Variants in PALD1 observed in about 807,000 individuals in gnomAD.
PALD1 encodes the protein phosphatase domain containing paladin 1.
A neutral mutation model predicts 96.0 loss-of-function variants in PALD1; 57 were observed. That is an observed-to-expected ratio of 0.59 (90% CI 0.48 to 0.74). The LOEUF is 0.74. Ranked by LOEUF, PALD1 falls within the 30% of genes least tolerant of loss-of-function variation. The pLI, the probability that PALD1 is intolerant of heterozygous loss-of-function variation, is 0.00. For missense variants in PALD1, 1,063 were observed against 1,143.7 expected (o/e 0.93, Z 1.02); for synonymous variants, 464 against 473.6 (o/e 0.98, Z 0.26).
chr10:70,561,478 C>T (rs962511435), intron 18 of PALD1, among the ~76,000 whole-genome samples: 8 of 152,174 alleles, frequency 5.3e-5, no homozygotes, highest in Admixed American at 2.6e-4. Context: ...TGGCGCAGAC[C>T]GTCCATCCTT....
In PALD1 at chr10:70,532,610, C is replaced by T; in HGVS notation, c.634-11C>T. On this transcript the variant is annotated splice_polypyrimidine_tract_variant and intron_variant, in intron 5 of 19. Transcript: ENST00000263563. Reference sequence around the variant, plus strand: ...AGGCCATGGCCCTCTGACCCCCACACCTCCCTCTAGATCCACGACTTTGCC... The same window carrying T: ...AGGCCATGGCCCTCTGACCCCCACATCTCCCTCTAGATCCACGACTTTGCC... 1 of 1,612,978 alleles carries T rather than the reference C, an allele frequency of 6.2e-7. No individual in the cohort carries two copies. Among genetic ancestry groups the T allele is most frequent in the Non-Finnish European group, 8.5e-7 (1 of 1,179,376 alleles).
Position 70,538,427 on chromosome 10 carries a change from C to T in PALD1, c.1452+19C>T, listed in dbSNP as rs759307538. On this transcript the variant is annotated intron_variant, in intron 12 of 19. Transcript: ENST00000263563. ...CTCCCTAGTGAGTATGACTGGCAGT[C>T]GGAGAAGTGGGCATGGCTGTGTACT... 4.4e-6 allele frequency: 7 copies of T among 1,607,786 alleles called. No homozygotes were observed. Among genetic ancestry groups the T allele is most frequent in the South Asian group, 3.3e-5 (3 of 90,470 alleles).
chr10:70,507,351 G>T (rs1027460641), intron 1 of PALD1, among the ~76,000 whole-genome samples: 1 of 152,192 alleles, frequency 6.6e-6, no homozygotes, highest in South Asian at 2.1e-4. Context: ...GGAGGAGGTT[G>T]CAGTGAGCCG....
chr10:70,526,040 G>C lies in PALD1; in HGVS notation c.89G>C (p.Arg30Pro), dbSNP rs749118272. 14 of 1,613,994 alleles carry C rather than the reference G, an allele frequency of 8.7e-6. 1 individual carries two copies. Among genetic ancestry groups the C allele is most frequent in the Middle Eastern group, 1.6e-4 (1 of 6,084 alleles). ...CAGGGCAGTGGCACGATGGACAGTC[G>C]GCACTCCGTCAGCATCCACTCCTTC... ...GLQGSGTMDS[R>P]HSVSIHSFQS... The change falls in exon 2 of 20, where the codon CGG (arginine) becomes CCG (proline). Residue 30 changes from arginine (R) to proline (P), a missense_variant. By Grantham distance (103) the Arg-to-Pro change is moderately radical (BLOSUM62 -2). Transcript: ENST00000263563.
Position 70,504,784 on chromosome 10 carries a change from A to G in PALD1, c.-29-21139A>G, listed in dbSNP as rs368415948. Among the ~76,000 whole-genome samples the G allele has an allele frequency of 7.4e-4, 113 of 152,348 alleles. 2 individuals are homozygous for G. The South Asian group carries it at 0.023, about 31-fold the overall frequency. On this transcript the variant is annotated intron_variant, in intron 1 of 19. Coordinates refer to ENST00000263563, the MANE Select transcript of PALD1 (RefSeq NM_014431.3). ...TTGTTTTGACTGAAGTATGGTGAAG[A>G]AAATCGGCTTCACCACAGATATGTA...
At chr10:70,463,100 G>A in the PALD1 span, among the ~76,000 whole-genome samples, 2 of 152,128 alleles carry the variant, frequency 1.3e-5, no homozygotes, top group Non-Finnish European at 2.9e-5. Context: ...ATGTTTGTGG[G>A]GTGAATCAAA....
the PALD1 span, among the ~76,000 whole-genome samples, chr10:70,460,281 C>T: frequency 7.2e-5 from 11 of 152,252 alleles, no homozygotes; most frequent in African/African-American, 2.6e-4. Flanking sequence ...GAGGGTCTCA[C>T]CCATCCTGGG....
intron 2 of PALD1, among the ~76,000 whole-genome samples, chr10:70,528,177 C>T (rs1846912022): frequency 6.6e-6 from 1 of 152,172 alleles, no homozygotes; most frequent in Non-Finnish European, 1.5e-5. Flanking sequence ...TCAAGAGGAC[C>T]TAACATCAGA....
At chr10:70,564,581 A>G (rs1235939983) in intron 19 of PALD1, 62 bp downstream of exon 19, 13 of 1,530,868 alleles carry the variant, frequency 8.5e-6, no homozygotes, top group Non-Finnish European at 1.2e-5. Context: ...GAGCTGGGTC[A>G]CAGCCACTCA....
At chr10:70,546,266 TA>T (rs1487474270) in intron 17 of PALD1, among the ~76,000 whole-genome samples, 1 of 151,982 alleles carries the variant, frequency 6.6e-6, no homozygotes, top group Non-Finnish European at 1.5e-5. Flanking sequence ...AAAACAAAAA[TA>T]AGCACCTTAG....
chr10:70,547,181 G>A (rs994494036), intron 17 of PALD1, 125 bp from the exon 18 acceptor site: 1 of 804,030 alleles, frequency 1.2e-6, no homozygotes, highest in Non-Finnish European at 2.1e-6. Context: ...GGAGCAGGCA[G>A]GGCTCTCTGT....
intron 18 of PALD1, among the ~76,000 whole-genome samples, chr10:70,561,860 T>C (rs1847743943): frequency 6.6e-6 from 1 of 152,158 alleles, no homozygotes; most frequent in African/African-American, 2.4e-5. Flanking sequence ...CTGCCTCCTC[T>C]CTGTAGACCT....
intron 10 of PALD1, among the ~76,000 whole-genome samples, 153 bp downstream of exon 10, chr10:70,534,996 G>T (rs1847079870): frequency 6.6e-6 from 1 of 152,222 alleles, no homozygotes. Context: ...GGGGAGATAG[G>T]GGCTCTGGGC....
In PALD1 at chr10:70,566,536, C is replaced by T. The variant is rs376834805; in HGVS notation, c.2419-45C>T. 21 of 1,513,576 alleles carry T rather than the reference C, an allele frequency of 1.4e-5. No individual in the cohort carries two copies. In the East Asian group the frequency reaches 1.4e-4, roughly 10 times the overall value. The allele number at this position is 1,513,576 out of a possible 1,614,324, so 93.8% of individuals were successfully genotyped here. ...CAGAACTCAGTGGCCTTAGTGGCAC[C>T]CTCCCTCCCCTGAAACACTGCTCCT... On this transcript the variant is annotated intron_variant, in intron 19 of 19. Coordinates refer to ENST00000263563, the MANE Select transcript of PALD1 (RefSeq NM_014431.3).
intron 18 of PALD1, among the ~76,000 whole-genome samples, chr10:70,563,845 C>T (rs1847787980): frequency 6.6e-6 from 1 of 152,192 alleles, no homozygotes. Context: ...GCCTTGATGA[C>T]CCCTGCCATC....
intron 12 of PALD1, 117 bp downstream of exon 12, chr10:70,538,525 A>G: frequency 9.2e-7 from 1 of 1,088,022 alleles, no homozygotes; most frequent in Non-Finnish European, 1.3e-6. Flanking sequence ...TGAAGAAGAG[A>G]GGCTGTGGGT....
Position 70,538,915 on chromosome 10 carries a change from G to A in PALD1, c.1476G>A (p.Pro492=), listed in dbSNP as rs146590387. 2.2e-5 allele frequency: 36 copies of A among 1,613,502 alleles called. No individual in the cohort carries two copies. The African/African-American group carries it at 2.9e-4, about 13-fold the overall frequency. ...GSLREDDLVS[P]DALSTVREMD... is the part of the protein sequence containing the mutation. ...AGCGGGAGGACGATCTGGTCTCCCC[G>A]GACGCGCTCAGCACTGTCAGAGAGA... Residue 492 remains proline, a synonymous_variant, in exon 13 of 20, where the codon CCG becomes CCA. Coordinates refer to ENST00000263563, the MANE Select transcript of PALD1 (RefSeq NM_014431.3).
At position 70,534,472 on chromosome 10, in the gene PALD1, T is replaced by G. The variant is rs999490615; in HGVS notation, c.1070T>G (p.Val357Gly). 15 of 1,613,014 alleles carry G rather than the reference T, an allele frequency of 9.3e-6. No homozygotes were observed. Among genetic ancestry groups the G allele is most frequent in the Middle Eastern group, 1.6e-4 (1 of 6,064 alleles). The change falls in exon 9 of 20, where the codon GTG (valine) becomes GGG (glycine). Residue 357 changes from valine (V) to glycine (G), a missense_variant. By Grantham distance (109) the Val-to-Gly change is moderately radical (BLOSUM62 -3). Coordinates refer to ENST00000263563, the MANE Select transcript of PALD1 (RefSeq NM_014431.3). The stretch of plus-strand genomic sequence containing the variant: ...CCCCTGCCTATGGAGCAGTTCCAGG[T>G]GATCCAGAGCTTTCTCCGCATGGTG... ...AKPLPMEQFQ[V>G]IQSFLRMVPQ...
chr10:70,463,412 C>G, the PALD1 span, among the ~76,000 whole-genome samples: 1 of 151,850 alleles, frequency 6.6e-6, no homozygotes, highest in Non-Finnish European at 1.5e-5. Context: ...AAAAAAAGAA[C>G]AGGTAAAGCA....
Sources: gnomAD v4.1 joint callset for allele counts (sites outside exome capture counted in the v4.1 genomes callset) on GRCh38, gnomAD v4.1.1 for gene constraint, MANE v1.5 for transcripts, NCBI Gene and HGNC (gene_info 2026-07-23, HGNC 2026-07-21) for gene names.